Variants in PLXND1 observed in about 807,000 individuals in gnomAD.
PLXND1 encodes plexin-D1.
In PLXND1, 54 loss-of-function variants were observed where a neutral mutation model predicts 197.7. The observed-to-expected ratio is 0.27, with a 90% CI of 0.22 to 0.34. PLXND1 has a LOEUF of 0.34. Ranked by LOEUF, PLXND1 falls within the 10% of genes least tolerant of loss-of-function variation. The pLI, the probability that PLXND1 is intolerant of heterozygous loss-of-function variation, is 1.00. For synonymous variants in PLXND1, 1,180 were observed against 1,161.2 expected, an observed-to-expected ratio of 1.02 and a Z score of -0.33; for missense variants, 2,127 against 2,699.2, an observed-to-expected ratio of 0.79 and a Z score of 4.70.
intron 3 of PLXND1, 102 bp downstream of exon 3, chr3:129,586,486 G>C: frequency 7.3e-7 from 1 of 1,371,454 alleles, no homozygotes; most frequent in Non-Finnish European, 1.0e-6. Context: ...GGAGATGGAG[G>C]AGGAGGGTGC....
In PLXND1 at chr3:129,558,441, A is replaced by G; in HGVS notation, c.5432T>C (p.Leu1811Pro). ...AFIDACSISD[L>P]QLGKDSPTNK... ...GGAACAGCTGACCTTGCCCAGCTGC[A>G]GGTCAGAGATGGAGCAGGCGTCGAT... Residue 1811 changes from leucine (L) to proline (P), a missense_variant, in exon 33 of 36, where the codon CTG (leucine) becomes CCG (proline). Coordinates refer to ENST00000324093, the MANE Select transcript of PLXND1 (RefSeq NM_015103.3). The surrounding 1 kb of genome is among the most constrained non-coding windows in gnomAD (Gnocchi z 4.1). The G allele has an allele frequency of 6.2e-7, 1 of 1,613,584 alleles. No homozygotes were observed. The highest frequency in any genetic ancestry group is 8.5e-7 in the Non-Finnish European group (1 of 1,179,886).
At chr3:129,568,941 T>G (rs1042120023) in intron 20 of PLXND1, among the ~76,000 whole-genome samples, 4 of 152,188 alleles carry the variant, frequency 2.6e-5, no homozygotes, top group Non-Finnish European at 5.9e-5. Context: ...CCCATACCCA[T>G]GCAGCAGTCA....
chr3:129,571,458 G>A (rs910651998), intron 17 of PLXND1, 51 bp downstream of exon 17: 1 of 1,572,600 alleles, frequency 6.4e-7, no homozygotes, highest in Non-Finnish European at 8.7e-7. Context: ...TTAGGGCCCT[G>A]GCTGTGCCTG....
At position 129,601,254 on chromosome 3, in the gene PLXND1, G is replaced by T. The variant is rs557786813; in HGVS notation, c.1311+4075C>A. The stretch of plus-strand genomic sequence containing the variant: ...GAAAACAATCAGGGACAAATTTGGG[G>T]ACTTCTGAGGGCTGCGGGGACCGAG... On this transcript the variant is annotated intron_variant, in intron 1 of 35. Transcript: ENST00000324093. 5.3e-5 allele frequency among the ~76,000 whole-genome samples: 8 copies of T among 152,294 alleles called. No individual in the cohort carries two copies. In the South Asian group the frequency reaches 1.2e-3, roughly 24 times the overall value.
chr3:129,596,874 C>A (rs1004254285), intron 1 of PLXND1, among the ~76,000 whole-genome samples: 1 of 152,270 alleles, frequency 6.6e-6, no homozygotes, highest in Admixed American at 6.5e-5. Flanking sequence ...TGGAGCCTTG[C>A]GCAAACATCT....
At position 129,572,956 on chromosome 3, in the gene PLXND1, T is replaced by C. The variant is rs758395993; in HGVS notation, c.2838-15A>G. 2 of 1,599,416 alleles carry C rather than the reference T, an allele frequency of 1.3e-6. No homozygotes were observed. Among genetic ancestry groups the C allele is most frequent in the Middle Eastern group, 1.7e-4 (1 of 6,058 alleles). Reference sequence around the variant, plus strand: ...CACACACGATCCTGAGGGGAGGTGCTGTGGTCAGCCAGCGGTCCTTGGCCC... The same window carrying C: ...CACACACGATCCTGAGGGGAGGTGCCGTGGTCAGCCAGCGGTCCTTGGCCC... On this transcript the variant is annotated splice_polypyrimidine_tract_variant and intron_variant, in intron 13 of 35. Coordinates refer to ENST00000324093, the MANE Select transcript of PLXND1 (RefSeq NM_015103.3).
Position 129,584,439 on chromosome 3 carries a change from C to T in PLXND1, c.1975G>A (p.Ala659Thr). Residue 659 changes from alanine to threonine, a missense_variant, in exon 6 of 36, where the codon GCC becomes ACC. Physicochemically the swap from Ala to Thr is moderately conservative, Grantham distance 58. Around this residue, in one of 6 missense-constraint regions of PLXND1, gnomAD observed 1,095 missense variants for 1,259.8 expected, o/e 0.87. Transcript: ENST00000324093. ...TCCCTCGGCAGGAGGTTGCAGTAGGCAATCTGGTGACCAAAGGCAGGGCCT... is the reference window on the plus strand; with the variant it reads ...TCCCTCGGCAGGAGGTTGCAGTAGGTAATCTGGTGACCAAAGGCAGGGCCT... ...VPGPAFGHQI[A>T]YCNLLPRDQF... 2 of 1,613,704 alleles carry T rather than the reference C, an allele frequency of 1.2e-6. No homozygotes were observed. The highest frequency in any genetic ancestry group is 1.7e-6 in the Non-Finnish European group (2 of 1,179,910).
At chr3:129,584,091 C>T in intron 7 of PLXND1, 34 bp downstream of exon 7, 1 of 1,415,138 alleles carries the variant, frequency 7.1e-7, no homozygotes, top group Non-Finnish European at 9.8e-7. Flanking sequence ...TTCCTCCCTC[C>T]ACCAACTGGA....
intron 19 of PLXND1, 103 bp downstream of exon 19, chr3:129,570,683 G>A: frequency 8.5e-7 from 1 of 1,178,824 alleles, no homozygotes; most frequent in Non-Finnish European, 1.2e-6. Flanking sequence ...TGTTGAGCGT[G>A]AAAACGCTCA....
intron 31 of PLXND1, among the ~76,000 whole-genome samples, chr3:129,559,987 GAGA>G (rs2085033918): frequency 6.6e-6 from 1 of 152,238 alleles, no homozygotes; most frequent in Admixed American, 6.5e-5. Context: ...ACATGGAGTC[GAGA>G]ACTGGAAGTG....
At chr3:129,580,237 C>G (rs572143783) in intron 8 of PLXND1, among the ~76,000 whole-genome samples, 66 of 96,544 alleles carry the variant, frequency 6.8e-4, no homozygotes, top group African/African-American at 1.8e-3. Context: ...ACCTCAGGGG[C>G]TTGGCAAGAG....
In PLXND1 at chr3:129,562,793, C is replaced by T. The variant is rs748045344; in HGVS notation, c.4819G>A (p.Asp1607Asn). 6 of 1,594,684 alleles carry T rather than the reference C, an allele frequency of 3.8e-6. No homozygotes were observed. The highest frequency in any genetic ancestry group is 1.3e-5 in the African/African-American group (1 of 74,588). The change falls in exon 27 of 36, where the codon GAC (aspartate) becomes AAC (asparagine). Residue 1607 changes from aspartate (D) to asparagine (N), a missense_variant. By Grantham distance (23) the Asp-to-Asn change is conservative. This residue lies in a region of PLXND1 where 532 missense variants were observed against 811.0 expected (regional missense o/e 0.66). Transcript: ENST00000324093. ...YSQWPRAEDV[D>N]LEWFASSTQS... ...TGCCCCCATTCCCACCCACCAAGGT[C>T]GACGTCCTCTGCACGCGGCCACTGG...
At chr3:129,603,966 G>T (rs2085747124) in intron 1 of PLXND1, among the ~76,000 whole-genome samples, 1 of 152,086 alleles carries the variant, frequency 6.6e-6, no homozygotes. Context: ...TGTCATTCTG[G>T]GGCCTCATTC....
In PLXND1 at chr3:129,597,483, G is replaced by C. The variant is rs542881629; in HGVS notation, c.1311+7846C>G. On this transcript the variant is annotated intron_variant, in intron 1 of 35. Coordinates refer to ENST00000324093, the MANE Select transcript of PLXND1 (RefSeq NM_015103.3). ...TCCACTCCAAGGCCTCTGCCTGCGGGCCCCCCCCCATTATTTACCGATCAG... is the reference window on the plus strand; with the variant it reads ...TCCACTCCAAGGCCTCTGCCTGCGGCCCCCCCCCCATTATTTACCGATCAG... Among the ~76,000 whole-genome samples, 46 of 151,020 alleles carry C rather than the reference G, an allele frequency of 3.0e-4. 1 individual carries two copies. The highest frequency in any genetic ancestry group is 8.3e-4 in the African/African-American group (34 of 41,056).
rs1031631741 is a variant in PLXND1, at chr3:129,605,845, G to T, written c.795C>A (p.Leu265=). The change falls in exon 1 of 36, where the codon CTC becomes CTA. Residue 265 remains leucine, a synonymous_variant. Transcript: ENST00000324093. ...FDLNPSDDNI[L]KIKQGAKEQH... The stretch of plus-strand genomic sequence containing the variant: ...GCTCCTTGGCGCCCTGCTTGATCTT[G>T]AGGATGTTGTCGTCGGAGGGGTTGA... The T allele has an allele frequency of 6.2e-7, 1 of 1,613,270 alleles. No individual in the cohort carries two copies.
chr3:129,583,331 A>C (rs184211826), intron 8 of PLXND1, among the ~76,000 whole-genome samples: 2 of 152,318 alleles, frequency 1.3e-5, no homozygotes, highest in Non-Finnish European at 2.9e-5. Context: ...TCAGGGAATC[A>C]TCAAGGATAT....
At chr3:129,587,916 C>G (rs2085483914) in intron 2 of PLXND1, among the ~76,000 whole-genome samples, 2 of 152,282 alleles carry the variant, frequency 1.3e-5, no homozygotes. Flanking sequence ...CTGAGACACT[C>G]CTGTCCCACG....
In PLXND1 at chr3:129,555,583, C is replaced by T; in HGVS notation, c.*729G>A. 1.5e-6 allele frequency: 1 copy of T among 646,440 alleles called. No homozygotes were observed. The highest frequency in any genetic ancestry group is 2.7e-6 in the Non-Finnish European group (1 of 365,728). The allele number at this position is 646,440 out of a possible 1,614,324, so 40.0% of individuals were successfully genotyped here. On this transcript the variant is annotated 3_prime_UTR_variant, in exon 36 of 36. Coordinates refer to ENST00000324093, the MANE Select transcript of PLXND1 (RefSeq NM_015103.3). The stretch of plus-strand genomic sequence containing the variant: ...GTGGTGCTATCTTTAGAAACACTTT[C>T]AGCAAGATCAAGTAGCCCAGCTACA...
chr3:129,570,625 C>T lies in PLXND1; in HGVS notation c.3750+161G>A, dbSNP rs1452637851. ...TCACTAAGTTCTTGGGCCTCAGTTT[C>T]CTCATATGTCAAGTGGGGATGTAAA... On this transcript the variant is annotated intron_variant, in intron 19 of 35. Transcript: ENST00000324093. 4.2e-6 allele frequency: 3 copies of T among 706,394 alleles called. No homozygotes were observed. In the African/African-American group the frequency reaches 5.3e-5, roughly 13 times the overall value. 43.8% of individuals were successfully genotyped at this position (706,394 alleles called of 1,614,324 possible). A position where few individuals can be genotyped will look rare whatever the true frequency, so the allele number is the denominator to read the frequency against.
Sources: allele counts gnomAD v4.1 joint callset (sites outside exome capture counted in the v4.1 genomes callset), GRCh38; gene constraint gnomAD v4.1.1; regional missense constraint gnomAD v4.1.1; non-coding constraint Gnocchi (gnomAD v3.1); transcripts MANE v1.5; gene names NCBI Gene and HGNC (gene_info 2026-07-23, HGNC 2026-07-21).